The following SLC8A1 variants were observed in gnomAD, a reference collection of about 807,000 sequenced individuals.
SLC8A1 encodes the protein solute carrier family 8 member A1, also known as sodium/calcium exchanger 1.
In SLC8A1, 18 loss-of-function variants were observed where a neutral mutation model predicts 68.3. The ratio of observed to expected loss-of-function variants is 0.26; its 90% CI spans 0.18 to 0.39. SLC8A1 has a LOEUF of 0.39. SLC8A1 is among the 10% of genes least tolerant of loss of function. The pLI, the probability that SLC8A1 is intolerant of heterozygous loss-of-function variation, is 1.00. For synonymous variants in SLC8A1, 475 were observed against 415.5 expected (o/e 1.14, Z -1.74); for missense variants, 985 against 1,156.7 (o/e 0.85, Z 2.15).
At chr2:40,288,905 G>C (rs1372827566) in intron 2 of SLC8A1, among the ~76,000 whole-genome samples, 2 of 129,468 alleles carry the variant, frequency 1.5e-5, no homozygotes, top group Non-Finnish European at 3.1e-5. Flanking sequence ...TCATAATGTT[G>C]CCTGGGCTGG....
intron 1 of SLC8A1, among the ~76,000 whole-genome samples, chr2:40,469,283 G>A (rs1370082756): frequency 6.6e-6 from 1 of 152,118 alleles, no homozygotes; most frequent in Non-Finnish European, 1.5e-5. Flanking sequence ...GAGGTGATTG[G>A]ATTATGGGGT....
intron 2 of SLC8A1, among the ~76,000 whole-genome samples, chr2:40,277,982 C>T (rs1220594439): frequency 6.6e-6 from 1 of 151,810 alleles, no homozygotes; most frequent in Non-Finnish European, 1.5e-5. Flanking sequence ...GGCAAAGTAA[C>T]TTATGTAAGT....
At chr2:40,476,322 C>T (rs1285739346) in intron 1 of SLC8A1, among the ~76,000 whole-genome samples, 1 of 152,052 alleles carries the variant, frequency 6.6e-6, no homozygotes, top group African/African-American at 2.4e-5. Context: ...TTCATACCTG[C>T]TGGATATCAG....
intron 2 of SLC8A1, among the ~76,000 whole-genome samples, chr2:40,286,094 G>A (rs2068257438): frequency 6.6e-6 from 1 of 152,156 alleles, no homozygotes; most frequent in South Asian, 2.1e-4. Flanking sequence ...GCCTAGAATA[G>A]TGTCTAGTAC....
Position 40,240,361 on chromosome 2 carries a change from C to T in SLC8A1, c.1809-62506G>A, listed in dbSNP as rs747485314. Among the ~76,000 whole-genome samples the T allele has an allele frequency of 6.6e-5, 10 of 152,240 alleles. No individual in the cohort carries two copies. In the South Asian group the frequency reaches 2.1e-3, roughly 32 times the overall value. On this transcript the variant is annotated intron_variant, in intron 2 of 7. Coordinates refer to ENST00000406785, the Ensembl canonical transcript of SLC8A1. ...GATGAGGGGTAGAAAATACTCTAAC[C>T]ATTCAGGATGTGATTGTTTTGGCTT...
intron 1 of SLC8A1, among the ~76,000 whole-genome samples, chr2:40,509,142 T>C (rs540834987): frequency 6.6e-6 from 1 of 152,204 alleles, no homozygotes; most frequent in Non-Finnish European, 1.5e-5. Flanking sequence ...CAATACCTTG[T>C]CATGAGACTT....
chr2:40,258,615 T>G (rs1245856174), intron 2 of SLC8A1, among the ~76,000 whole-genome samples: 1 of 152,040 alleles, frequency 6.6e-6, no homozygotes, highest in Non-Finnish European at 1.5e-5. Context: ...CTGAAGACAG[T>G]GGATCACTTG....
intron 2 of SLC8A1, chr2:40,250,986 G>A (rs1204068232): frequency 1.3e-5 from 2 of 152,124 alleles, no homozygotes; most frequent in Admixed American, 6.5e-5. Context: ...GGCGTCGGGG[G>A]AGAATATATA....
chr2:40,215,115 T>C (rs529407525), intron 2 of SLC8A1, among the ~76,000 whole-genome samples: 3 of 152,190 alleles, frequency 2.0e-5, no homozygotes, highest in Non-Finnish European at 4.4e-5. Flanking sequence ...TCTGCTAAAG[T>C]ATTTATGAGT....
intron 1 of SLC8A1, among the ~76,000 whole-genome samples, chr2:40,494,223 T>G (rs1705525834): frequency 6.6e-6 from 1 of 152,090 alleles, no homozygotes; most frequent in Admixed American, 6.6e-5. Context: ...ACCTGGACAT[T>G]ATTTTCTCCT....
At chr2:40,414,471 CAG>C (rs2149713140) in intron 2 of SLC8A1, among the ~76,000 whole-genome samples, 1 of 152,284 alleles carries the variant, frequency 6.6e-6, no homozygotes, top group African/African-American at 2.4e-5. Context: ...CTAAAGCCCT[CAG>C]TAATTATTTT....
chr2:40,109,753 G>A (rs1174054021), exon 8 of SLC8A1: 1 of 152,086 alleles, frequency 6.6e-6, no homozygotes, highest in Non-Finnish European at 1.5e-5. Context: ...TTCCCATGGG[G>A]AAAACTCTCC....
intron 2 of SLC8A1, among the ~76,000 whole-genome samples, chr2:40,324,881 G>C (rs1434233744): frequency 6.6e-6 from 1 of 152,170 alleles, no homozygotes; most frequent in East Asian, 1.9e-4. Flanking sequence ...TGATGGTGCA[G>C]CTGTTTCCAG....
exon 8 of SLC8A1, chr2:40,109,422 T>C (rs760019105): frequency 1.3e-5 from 2 of 152,134 alleles, no homozygotes; most frequent in Non-Finnish European, 2.9e-5. Flanking sequence ...TGAAGCATAA[T>C]AAATATGATT....
chr2:40,252,810 ATATACATATATATGTATATACATGTG>A (rs2062994109), intron 2 of SLC8A1, among the ~76,000 whole-genome samples: 1 of 145,022 alleles, frequency 6.9e-6, no homozygotes, highest in African/African-American at 2.6e-5. Context: ...ATATATGTAC[ATATACATATATATGTATATACATGTG>A]TATACATATA....
intron 2 of SLC8A1, among the ~76,000 whole-genome samples, chr2:40,234,523 T>C (rs1036871591): frequency 2.6e-5 from 4 of 152,200 alleles, no homozygotes; most frequent in Admixed American, 6.5e-5. Context: ...GTTTTCTAGA[T>C]ATACAATCAT....
intron 2 of SLC8A1, among the ~76,000 whole-genome samples, chr2:40,368,435 C>A (rs1676943998): frequency 6.6e-6 from 1 of 151,928 alleles, no homozygotes; most frequent in South Asian, 2.1e-4. Context: ...ACCCCTAAGT[C>A]TTTCAGTTAT....
intron 2 of SLC8A1, among the ~76,000 whole-genome samples, chr2:40,320,375 T>G (rs2075045555): frequency 6.6e-6 from 1 of 152,184 alleles, no homozygotes; most frequent in African/African-American, 2.4e-5. Context: ...TTATGTCCAC[T>G]GCCCTTAGTT....
chr2:40,234,144 T>TG (rs2060050125), intron 2 of SLC8A1, among the ~76,000 whole-genome samples: 1 of 152,164 alleles, frequency 6.6e-6, no homozygotes, highest in Non-Finnish European at 1.5e-5. Flanking sequence ...AGAGAGGCAT[T>TG]GGTGGCTTGA....
Sources: gnomAD v4.1 joint callset for allele counts (sites outside exome capture counted in the v4.1 genomes callset) on GRCh38, gnomAD v4.1.1 for gene constraint, MANE v1.5 for transcripts, NCBI Gene and HGNC (gene_info 2026-07-23, HGNC 2026-07-21) for gene names.